LY6E: variants seen among roughly 807,000 people sequenced by gnomAD.
LY6E encodes lymphocyte antigen 6E.
LY6E carries 4 observed loss-of-function variants against 7.7 expected under a neutral mutation model. The ratio of observed to expected loss-of-function variants is 0.52; its 90% CI spans 0.25 to 1.18. The LOEUF (loss-of-function observed/expected upper bound fraction) is 1.18, where lower values mean the gene tolerates loss of function less well. LY6E is among the 50% of genes most tolerant of loss of function. LY6E has a pLI of 0.14. For synonymous variants in LY6E, 81 were observed against 80.1 expected (o/e 1.01, Z -0.06); for missense variants, 156 against 168.0 (o/e 0.93, Z 0.40).
At position 143,021,925 on chromosome 8, in the gene LY6E, T is replaced by C; in HGVS notation, c.*136T>C. 1.3e-6 allele frequency: 1 copy of C among 758,688 alleles called. No homozygotes were observed. The allele number at this position is 758,688 out of a possible 1,614,324, so 47.0% of individuals were successfully genotyped here. A position where few individuals can be genotyped will look rare whatever the true frequency, so the allele number is the denominator to read the frequency against. Reference sequence around the variant, plus strand: ...TTGGTCCCAGGTCAGGCCCACCCCCTGCACCTCCACCTGCCCCAGCCCCTG... The same window carrying C: ...TTGGTCCCAGGTCAGGCCCACCCCCCGCACCTCCACCTGCCCCAGCCCCTG... On this transcript the variant is annotated 3_prime_UTR_variant, in exon 4 of 4. Transcript: ENST00000292494.
chr8:143,021,633 C>G lies in LY6E; in HGVS notation c.240C>G (p.Gly80=), dbSNP rs145193551. ...CCCCGGCCTGCCCCATCCCAGAAGG[C>G]GTCAATGTTGGTGTGGCTTCCATGG... The part of the protein sequence containing the change: ...TCSPACPIPE[G]VNVGVASMGI... The change falls in exon 4 of 4, where the codon GGC becomes GGG. Residue 80 remains glycine (G), a synonymous_variant. Transcript: ENST00000292494. 1 of 1,613,900 alleles carries G rather than the reference C, an allele frequency of 6.2e-7. No homozygotes were observed. The highest frequency in any genetic ancestry group is 8.5e-7 in the Non-Finnish European group (1 of 1,180,050).
intron 1 of LY6E, 49 bp downstream of exon 1, chr8:143,018,635 G>T (rs915832519): frequency 6.7e-6 from 1 of 150,246 alleles, no homozygotes; most frequent in African/African-American, 2.4e-5. Flanking sequence ...CTGCGCGCAC[G>T]CGCTCAGACC....
At position 143,021,993 on chromosome 8, in the gene LY6E, G is replaced by T. The variant is rs1722580577; in HGVS notation, c.*204G>T. 3.4e-6 allele frequency: 2 copies of T among 595,170 alleles called. No individual in the cohort carries two copies. Among genetic ancestry groups the T allele is most frequent in the Non-Finnish European group, 5.9e-6 (2 of 336,504 alleles). The allele number at this position is 595,170 out of a possible 1,614,324, so 36.9% of individuals were successfully genotyped here. On this transcript the variant is annotated 3_prime_UTR_variant, in exon 4 of 4. Coordinates refer to ENST00000292494, the MANE Select transcript of LY6E (RefSeq NM_002346.3). The stretch of plus-strand genomic sequence containing the variant: ...GCCAGCTGCCCTCACTTCTGGGGTG[G>T]ATGATGTGACCTTCCTTGGGGGACC...
At position 143,022,175 on chromosome 8, in the gene LY6E, T is replaced by G; in HGVS notation, c.*386T>G. The G allele has an allele frequency of 4.0e-6, 1 of 252,072 alleles. No individual in the cohort carries two copies. The highest frequency in any genetic ancestry group is 7.5e-6 in the Non-Finnish European group (1 of 132,728). 15.6% of individuals were successfully genotyped at this position (252,072 alleles called of 1,614,324 possible). ...GTGCACGTGAGAGCACGTGGCGGCT[T>G]CTGGGGGCCATGTTTGGGGAGGGAG... On this transcript the variant is annotated 3_prime_UTR_variant, in exon 4 of 4. Coordinates refer to ENST00000292494, the MANE Select transcript of LY6E (RefSeq NM_002346.3).
chr8:143,021,458 C>A (rs760127692), intron 3 of LY6E, 25 bp downstream of exon 3: 1 of 1,613,822 alleles, frequency 6.2e-7, no homozygotes. Flanking sequence ...TCAGACCGTG[C>A]CTTCCTCCCC....
rs1563909565 is a variant in LY6E at position 143,020,988 on chromosome 8, C to T, written c.49C>T (p.Arg17Ter). 6.2e-6 allele frequency: 10 copies of T among 1,613,764 alleles called. No individual in the cohort carries two copies. The highest frequency in any genetic ancestry group is 1.3e-5 in the African/African-American group (1 of 75,012). Residue 17 changes from arginine (R) to a stop codon, truncating the protein, a stop_gained, in exon 2 of 4, where the codon CGA (arginine) becomes TGA (stop). Transcript: ENST00000292494. LOFTEE classifies it high-confidence loss of function. ...GCTGGCTGCCCTTCTGGGTGTGGAG[C>T]GAGGTGAGGTGCCCTTGGGGACCCC... ...VLLAALLGVE[R>*]ASSLMCFSCL...
chr8:143,021,632 G>A lies in LY6E; in HGVS notation c.239G>A (p.Gly80Asp), dbSNP rs1162960634. ...TCSPACPIPE[G>D]VNVGVASMGI... ...TCCCCGGCCTGCCCCATCCCAGAAG[G>A]CGTCAATGTTGGTGTGGCTTCCATG... Residue 80 changes from glycine (G) to aspartate (D), a missense_variant, in exon 4 of 4, where the codon GGC becomes GAC. By Grantham distance (94) the Gly-to-Asp change is moderately conservative. Coordinates refer to ENST00000292494, the MANE Select transcript of LY6E (RefSeq NM_002346.3). 1 of 1,613,866 alleles carries A rather than the reference G, an allele frequency of 6.2e-7. No homozygotes were observed. The highest frequency in any genetic ancestry group is 8.5e-7 in the Non-Finnish European group (1 of 1,180,030).
rs373932980 is a variant in LY6E at position 143,021,558 on chromosome 8, C to T, written c.173-8C>T. 1.2e-6 allele frequency: 2 copies of T among 1,613,772 alleles called. No individual in the cohort carries two copies. The highest frequency in any genetic ancestry group is 8.5e-7 in the Non-Finnish European group (1 of 1,179,924). On this transcript the variant is annotated splice_region_variant and splice_polypyrimidine_tract_variant and intron_variant, in intron 3 of 3. Coordinates refer to ENST00000292494, the MANE Select transcript of LY6E (RefSeq NM_002346.3). The stretch of plus-strand genomic sequence containing the variant: ...GTCTCTCCCCTGACAGCCTCATTTC[C>T]CATGCAGGGAATCTCGTGACATTTG...
chr8:143,019,708 C>T (rs906251950), intron 1 of LY6E, among the ~76,000 whole-genome samples: 1 of 152,208 alleles, frequency 6.6e-6, no homozygotes, highest in African/African-American at 2.4e-5. Flanking sequence ...CTGCGGGCCC[C>T]TCTCCAGATC....
In LY6E at chr8:143,021,384, C is replaced by T. The variant is rs767418936; in HGVS notation, c.123C>T (p.Cys41=). ...TGTACTGCCTGAAGCCGACCATCTGCTCCGACCAGGACAACTACTGCGTGA... is the reference window on the plus strand; with the variant it reads ...TGTACTGCCTGAAGCCGACCATCTGTTCCGACCAGGACAACTACTGCGTGA... ...SNLYCLKPTI[C]SDQDNYCVTV... The change falls in exon 3 of 4, where the codon TGC becomes TGT. Residue 41 remains cysteine, a synonymous_variant. Coordinates refer to ENST00000292494, the MANE Select transcript of LY6E (RefSeq NM_002346.3). 3 of 1,614,046 alleles carry T rather than the reference C, an allele frequency of 1.9e-6. No homozygotes were observed. The highest frequency in any genetic ancestry group is 1.3e-5 in the African/African-American group (1 of 75,052).
chr8:143,021,001 C>G lies in LY6E; in HGVS notation c.52+10C>G. ...CTGGGTGTGGAGCGAGGTGAGGTGCCCTTGGGGACCCCAGACCTTTGTCCA... is the reference window on the plus strand; with the variant it reads ...CTGGGTGTGGAGCGAGGTGAGGTGCGCTTGGGGACCCCAGACCTTTGTCCA... On this transcript the variant is annotated intron_variant, in intron 2 of 3. Transcript: ENST00000292494. 1 of 1,587,238 alleles carries G rather than the reference C, an allele frequency of 6.3e-7. No homozygotes were observed. Among genetic ancestry groups the G allele is most frequent in the Non-Finnish European group, 8.6e-7 (1 of 1,167,010 alleles).
At chr8:143,021,027 G>T (rs1173368337) in intron 2 of LY6E, 36 bp downstream of exon 2, 17 of 1,606,918 alleles carry the variant, frequency 1.1e-5, no homozygotes, top group Non-Finnish European at 1.4e-5. Flanking sequence ...CCTTTGTCCA[G>T]CTGTGCCCTG....
In LY6E at chr8:143,021,826, A is replaced by G; in HGVS notation, c.*37A>G. ...CTGTCCCCCGATCCCCCAGCTCAGG[A>G]AGGAAAGCCCAGCCCTTTCTGGATC... On this transcript the variant is annotated 3_prime_UTR_variant, in exon 4 of 4. Coordinates refer to ENST00000292494, the MANE Select transcript of LY6E (RefSeq NM_002346.3). The G allele has an allele frequency of 6.5e-7, 1 of 1,549,204 alleles. No homozygotes were observed.
rs145193551 is a variant in LY6E at position 143,021,633 on chromosome 8, C to T, written c.240C>T (p.Gly80=). The change falls in exon 4 of 4, where the codon GGC becomes GGT. Residue 80 remains glycine (G), a synonymous_variant. Transcript: ENST00000292494. ...TCSPACPIPE[G]VNVGVASMGI... is the part of the protein sequence containing the mutation. ...CCCCGGCCTGCCCCATCCCAGAAGG[C>T]GTCAATGTTGGTGTGGCTTCCATGG... 1.9e-6 allele frequency: 3 copies of T among 1,613,900 alleles called. No homozygotes were observed. Among genetic ancestry groups the T allele is most frequent in the East Asian group, 2.2e-5 (1 of 44,896 alleles).
At chr8:143,019,153 A>G (rs1212020374) in intron 1 of LY6E, 3 of 152,130 alleles carry the variant, frequency 2.0e-5, no homozygotes, top group Non-Finnish European at 4.4e-5. Flanking sequence ...CCCTGAGTGG[A>G]CCGCCGGGCC....
chr8:143,018,999 AG>A (rs1819141915), intron 1 of LY6E: 1 of 152,094 alleles, frequency 6.6e-6, no homozygotes, highest in Non-Finnish European at 1.5e-5. Context: ...GGACTAGGGG[AG>A]GGGGCACGGG....
At position 143,021,310 on chromosome 8, in the gene LY6E, G is replaced by A. The variant is rs374692296; in HGVS notation, c.53-4G>A. On this transcript the variant is annotated splice_polypyrimidine_tract_variant and splice_region_variant and intron_variant, in intron 2 of 3. Coordinates refer to ENST00000292494, the MANE Select transcript of LY6E (RefSeq NM_002346.3). Reference sequence around the variant, plus strand: ...CCTGAGACAGGTGTGTCCTCCTTCCGCAGCCAGCTCGCTGATGTGCTTCTC... The same window carrying A: ...CCTGAGACAGGTGTGTCCTCCTTCCACAGCCAGCTCGCTGATGTGCTTCTC... 1.2e-5 allele frequency: 20 copies of A among 1,612,614 alleles called. No individual in the cohort carries two copies. The highest frequency in any genetic ancestry group is 2.7e-5 in the African/African-American group (2 of 74,926).
intron 1 of LY6E, 72 bp downstream of exon 1, chr8:143,018,658 C>G (rs906899411): frequency 6.6e-6 from 1 of 151,270 alleles, no homozygotes; most frequent in African/African-American, 2.4e-5. Context: ...GCGGCCTCGG[C>G]TGCGGTGCAC....
intron 3 of LY6E, 49 bp from the exon 4 acceptor site, chr8:143,021,517 C>G: frequency 6.2e-7 from 1 of 1,612,470 alleles, no homozygotes; most frequent in East Asian, 2.2e-5. Context: ...CCATTGCTGT[C>G]TGTCTGCAGC....
Sources: gnomAD v4.1 joint callset for allele counts (sites outside exome capture counted in the v4.1 genomes callset) on GRCh38, gnomAD v4.1.1 for gene constraint, MANE v1.5 for transcripts, NCBI Gene and HGNC (gene_info 2026-07-23, HGNC 2026-07-21) for gene names.